LRMDA: variants seen among roughly 807,000 people sequenced by gnomAD.
The protein encoded by LRMDA is leucine rich melanocyte differentiation associated.
In LRMDA, 18 loss-of-function variants were observed where a neutral mutation model predicts 29.8. That is an observed-to-expected ratio of 0.60 (90% CI 0.42 to 0.90). The LOEUF is 0.90. Ranked by LOEUF, LRMDA falls within the 40% of genes least tolerant of loss-of-function variation. The pLI is 0.00. For missense variants in LRMDA, 273 were observed against 273.9 expected, an observed-to-expected ratio of 1.00 and a Z score of 0.02; for synonymous variants, 125 against 109.4, an observed-to-expected ratio of 1.14 and a Z score of -0.89.
At chr10:75,785,057 G>C (rs933305541) in intron 2 of LRMDA, among the ~76,000 whole-genome samples, 1 of 152,208 alleles carries the variant, frequency 6.6e-6, no homozygotes, top group Non-Finnish European at 1.5e-5. Context: ...TGGCATGGAC[G>C]CGCAGGAGCC....
intron 5 of LRMDA, among the ~76,000 whole-genome samples, chr10:76,097,201 G>T (rs1301794368): frequency 6.6e-6 from 1 of 152,002 alleles, no homozygotes. Flanking sequence ...GGTAGAGATG[G>T]GGTTTCACCA....
intron 2 of LRMDA, among the ~76,000 whole-genome samples, chr10:75,538,205 C>T (rs551134379): frequency 6.6e-6 from 1 of 152,272 alleles, no homozygotes; most frequent in South Asian, 2.1e-4. Context: ...GGAGCCAAGA[C>T]CCTATCTGCT....
At chr10:75,663,107 G>A (rs924034454) in intron 2 of LRMDA, among the ~76,000 whole-genome samples, 13 of 152,288 alleles carry the variant, frequency 8.5e-5, no homozygotes, top group African/African-American at 2.6e-4. Flanking sequence ...AGGAAGCCAA[G>A]CTATTTTTAG....
At chr10:75,680,533 A>G (rs1435243904) in intron 2 of LRMDA, among the ~76,000 whole-genome samples, 1 of 152,172 alleles carries the variant, frequency 6.6e-6, no homozygotes, top group Admixed American at 6.5e-5. Context: ...ACTCCAGCAC[A>G]TCTCAAACCT....
At chr10:76,552,692 G>C (rs1223956925) in intron 6 of LRMDA, among the ~76,000 whole-genome samples, 4 of 152,356 alleles carry the variant, frequency 2.6e-5, no homozygotes, top group Admixed American at 2.6e-4. Context: ...TCACATGACT[G>C]TTGGGGCAGG....
At chr10:75,489,494 A>C (rs747225050) in intron 2 of LRMDA, among the ~76,000 whole-genome samples, 1 of 152,236 alleles carries the variant, frequency 6.6e-6, no homozygotes, top group Non-Finnish European at 1.5e-5. Flanking sequence ...GGGATTCTCA[A>C]ACATTAAGAC....
At chr10:75,907,905 C>T (rs79676016) in intron 2 of LRMDA, among the ~76,000 whole-genome samples, 22 of 152,190 alleles carry the variant, frequency 1.4e-4, no homozygotes, top group African/African-American at 3.6e-4. Context: ...GATTCACTCA[C>T]GGTGGCATGG....
chr10:76,205,863 T>C (rs1851525015), intron 5 of LRMDA, among the ~76,000 whole-genome samples: 1 of 151,996 alleles, frequency 6.6e-6, no homozygotes. Flanking sequence ...CTACTGAAAA[T>C]GGGGTCTTTG....
chr10:75,998,624 T>G (rs1225544392), intron 2 of LRMDA, among the ~76,000 whole-genome samples: 1 of 152,242 alleles, frequency 6.6e-6, no homozygotes, highest in Non-Finnish European at 1.5e-5. Flanking sequence ...GGGTTACTGT[T>G]GTCCCATTTC....
intron 2 of LRMDA, among the ~76,000 whole-genome samples, chr10:75,628,302 C>A (rs1841278149): frequency 6.6e-6 from 1 of 152,176 alleles, no homozygotes; most frequent in Admixed American, 6.5e-5. Flanking sequence ...TGGCAAATGG[C>A]AACACAACCT....
intron 2 of LRMDA, among the ~76,000 whole-genome samples, chr10:75,940,175 C>A (rs562405206): frequency 6.6e-6 from 1 of 151,926 alleles, no homozygotes; most frequent in South Asian, 2.1e-4. Context: ...TGGGAGGTAG[C>A]GATGGTGATG....
intron 6 of LRMDA, among the ~76,000 whole-genome samples, chr10:76,334,340 T>A (rs1840941144): frequency 6.6e-6 from 1 of 152,206 alleles, no homozygotes; most frequent in East Asian, 1.9e-4. Context: ...AGGTTTTTCC[T>A]CATGTAGTGA....
intron 2 of LRMDA, among the ~76,000 whole-genome samples, chr10:75,768,352 A>G (rs1843196040): frequency 6.6e-6 from 1 of 152,306 alleles, no homozygotes; most frequent in South Asian, 2.1e-4. Context: ...TGCATTATCT[A>G]TTTTATTCCC....
At chr10:75,589,358 T>C (rs1840693479) in intron 2 of LRMDA, among the ~76,000 whole-genome samples, 1 of 152,220 alleles carries the variant, frequency 6.6e-6, no homozygotes, top group South Asian at 2.1e-4. Context: ...ATGAATGAGA[T>C]TAAGTATTCT....
intron 6 of LRMDA, among the ~76,000 whole-genome samples, chr10:76,431,685 G>A (rs1193417470): frequency 6.6e-6 from 1 of 152,150 alleles, no homozygotes; most frequent in African/African-American, 2.4e-5. Flanking sequence ...ATTGGTGATG[G>A]TGGTGGTGCT....
chr10:76,133,836 G>A (rs890212069), intron 5 of LRMDA, among the ~76,000 whole-genome samples: 1 of 152,184 alleles, frequency 6.6e-6, no homozygotes, highest in African/African-American at 2.4e-5. Flanking sequence ...CACTGAAGTT[G>A]GGGATGGGAA....
intron 5 of LRMDA, among the ~76,000 whole-genome samples, chr10:76,061,064 A>G (rs1848694352): frequency 6.6e-6 from 1 of 152,192 alleles, no homozygotes; most frequent in Admixed American, 6.5e-5. Context: ...ATAAAGACAC[A>G]TACATGTGGA....
chr10:75,736,742 TA>T (rs1842767521), intron 2 of LRMDA, among the ~76,000 whole-genome samples: 1 of 152,236 alleles, frequency 6.6e-6, no homozygotes, highest in Non-Finnish European at 1.5e-5. Context: ...TCTATCTATA[TA>T]TTTTTTTATG....
intron 2 of LRMDA, among the ~76,000 whole-genome samples, chr10:76,003,327 A>C (rs1315822200): frequency 6.6e-6 from 1 of 152,130 alleles, no homozygotes; most frequent in Non-Finnish European, 1.5e-5. Flanking sequence ...GACCGACTCA[A>C]GGCAAGCCTA....
Sources: allele counts gnomAD v4.1 joint callset (sites outside exome capture counted in the v4.1 genomes callset), GRCh38; gene constraint gnomAD v4.1.1; transcripts MANE v1.5; gene names NCBI Gene and HGNC (gene_info 2026-07-23, HGNC 2026-07-21).